The following MTFR1 variants were observed in gnomAD, a reference collection of about 807,000 sequenced individuals.
MTFR1 encodes chondrocyte protein with a poly-proline region.
MTFR1 carries 28 observed loss-of-function variants against 38.8 expected under a neutral mutation model. That is an observed-to-expected ratio of 0.72 (90% CI 0.53 to 0.99). The LOEUF is 0.99. MTFR1 is among the 50% of genes least tolerant of loss of function. MTFR1 has a pLI of 0.00. For synonymous variants in MTFR1, 145 were observed against 137.0 expected (o/e 1.06, Z -0.41); for missense variants, 358 against 395.5 (o/e 0.91, Z 0.81).
At chr8:65,662,236 T>G (rs1260380786) in intron 1 of MTFR1, among the ~76,000 whole-genome samples, 1 of 152,076 alleles carries the variant, frequency 6.6e-6, no homozygotes, top group Non-Finnish European at 1.5e-5. Flanking sequence ...TGCCTGCGAT[T>G]GCAGGCGCGC....
intron 3 of MTFR1, among the ~76,000 whole-genome samples, chr8:65,742,043 T>G (rs190197597): frequency 1.2e-4 from 18 of 152,258 alleles, no homozygotes; most frequent in Admixed American, 3.3e-4. Context: ...TACCAGTGAG[T>G]AAGAACACAA....
At chr8:65,677,417 C>A (rs1423133850) in intron 2 of MTFR1, among the ~76,000 whole-genome samples, 1 of 136,232 alleles carries the variant, frequency 7.3e-6, no homozygotes, top group Non-Finnish European at 1.5e-5. Flanking sequence ...CGGAGTCTTG[C>A]TCTGTCCCAG....
At chr8:65,734,234 A>G (rs1422616921) in intron 3 of MTFR1, among the ~76,000 whole-genome samples, 1 of 152,148 alleles carries the variant, frequency 6.6e-6, no homozygotes, top group East Asian at 1.9e-4. Context: ...ACCAGTCTTC[A>G]CTGACTTCTG....
intron 3 of MTFR1, 32 bp from the exon 4 acceptor site, chr8:65,693,612 G>T: frequency 6.3e-7 from 1 of 1,583,414 alleles, no homozygotes; most frequent in South Asian, 1.1e-5. Flanking sequence ...TGCCATCTTT[G>T]GTGAAGAACT....
intron 3 of MTFR1, among the ~76,000 whole-genome samples, chr8:65,724,623 T>TC (rs984097962): frequency 6.6e-6 from 1 of 152,212 alleles, no homozygotes; most frequent in Non-Finnish European, 1.5e-5. Context: ...ACCAGTGATC[T>TC]CCTTTTGGAA....
chr8:65,676,224 T>A (rs1804703843), intron 2 of MTFR1, among the ~76,000 whole-genome samples: 1 of 152,232 alleles, frequency 6.6e-6, no homozygotes, highest in Non-Finnish European at 1.5e-5. Flanking sequence ...GGTCCTAACT[T>A]TTTAAAGATC....
In MTFR1 at chr8:65,759,095, G is replaced by A. The variant is rs528429187; in HGVS notation, c.*49-11852G>A. Among the ~76,000 whole-genome samples, 19 of 152,302 alleles carry A rather than the reference G, an allele frequency of 1.2e-4. No homozygotes were observed. In the East Asian group the frequency reaches 3.1e-3, roughly 25 times the overall value. On this transcript the variant is annotated intron_variant, in intron 3 of 3. Coordinates refer to the MTFR1 transcript ENST00000521247. Reference sequence around the variant, plus strand: ...TTCCATGGACCTCAGGGAGGCACACGGGGATACTTGCTTGCATTTTACGTC... The same window carrying A: ...TTCCATGGACCTCAGGGAGGCACACAGGGATACTTGCTTGCATTTTACGTC...
intron 1 of MTFR1, among the ~76,000 whole-genome samples, chr8:65,648,252 C>T (rs184710754): frequency 1.3e-5 from 2 of 152,170 alleles, no homozygotes; most frequent in East Asian, 1.9e-4. Context: ...CTCCTGACCT[C>T]GTGATTCGCC....
chr8:65,748,422 G>A (rs890981289), intron 3 of MTFR1, among the ~76,000 whole-genome samples: 52 of 152,262 alleles, frequency 3.4e-4, no homozygotes, highest in Admixed American at 1.3e-4. Context: ...GTTCTACAGT[G>A]GAGACTGGAA....
chr8:65,669,379 T>C (rs1011607260), intron 1 of MTFR1, among the ~76,000 whole-genome samples: 18 of 152,238 alleles, frequency 1.2e-4, no homozygotes, highest in African/African-American at 4.1e-4. Flanking sequence ...ATCCACCAGA[T>C]ATCTTTTCAT....
rs958243721 is a variant in MTFR1 at position 65,700,369 on chromosome 8, A to G, written c.282-4325A>G. On this transcript the variant is annotated intron_variant, in intron 4 of 7. Coordinates refer to ENST00000262146, the MANE Select transcript of MTFR1 (RefSeq NM_014637.4). Reference sequence around the variant, plus strand: ...TATCTTAAAAAAAAAAAAAAAAAGAAAAAAGAAAACAAAAAAAAGGGCAGC... The same window carrying G: ...TATCTTAAAAAAAAAAAAAAAAAGAGAAAAGAAAACAAAAAAAAGGGCAGC... 5.4e-3 allele frequency among the ~76,000 whole-genome samples: 825 copies of G among 151,776 alleles called. 7 individuals are homozygous for G. The highest frequency in any genetic ancestry group is 0.019 in the African/African-American group (771 of 41,372).
intron 3 of MTFR1, chr8:65,731,475 C>T (rs1309365815): frequency 1.3e-5 from 2 of 152,140 alleles, no homozygotes; most frequent in Non-Finnish European, 2.9e-5. Context: ...CTAATTTAAA[C>T]TCATTATAGA....
chr8:65,650,588 T>C (rs1175522194), intron 1 of MTFR1, among the ~76,000 whole-genome samples: 2 of 152,232 alleles, frequency 1.3e-5, no homozygotes, highest in Admixed American at 1.3e-4. Flanking sequence ...CTTAACATAA[T>C]ATCCTCCAGT....
At chr8:65,773,904 C>T (rs971481978), downstream of MTFR1, among the ~76,000 whole-genome samples, 6 of 152,152 alleles carry the variant, frequency 3.9e-5, no homozygotes, top group Admixed American at 3.9e-4. Context: ...AGGGGGTAGG[C>T]TGGAGACTCC....
chr8:65,676,784 A>C (rs575958448), intron 2 of MTFR1, among the ~76,000 whole-genome samples: 1 of 152,338 alleles, frequency 6.6e-6, no homozygotes, highest in East Asian at 1.9e-4. Flanking sequence ...GCTTGAGTGC[A>C]GTCATCATGG....
downstream of MTFR1, among the ~76,000 whole-genome samples, chr8:65,772,849 CA>C (rs1004522272): frequency 1.3e-5 from 2 of 150,796 alleles, no homozygotes; most frequent in Admixed American, 6.6e-5. Flanking sequence ...AATAAAAATA[CA>C]AAAAAAAATT....
intron 3 of MTFR1, among the ~76,000 whole-genome samples, chr8:65,688,419 A>C (rs1371529961): frequency 2.7e-5 from 4 of 148,040 alleles, no homozygotes; most frequent in Non-Finnish European, 5.9e-5. Context: ...AACAAAAAAA[A>C]CCCCAGAAAT....
intron 4 of MTFR1, among the ~76,000 whole-genome samples, chr8:65,702,831 A>G (rs1183656714): frequency 2.0e-5 from 3 of 152,098 alleles, no homozygotes; most frequent in African/African-American, 7.2e-5. Flanking sequence ...TGAGGAGCTA[A>G]AAAGGCCTTT....
At chr8:65,765,303 A>C (rs1034766565) in intron 3 of MTFR1, among the ~76,000 whole-genome samples, 2 of 150,990 alleles carry the variant, frequency 1.3e-5, no homozygotes, top group East Asian at 3.9e-4. Flanking sequence ...TCCCGGCTAA[A>C]ACGGTGAAAC....
Sources: gnomAD v4.1 joint callset for allele counts (sites outside exome capture counted in the v4.1 genomes callset) on GRCh38, gnomAD v4.1.1 for gene constraint, MANE v1.5 for transcripts, NCBI Gene and HGNC (gene_info 2026-07-23, HGNC 2026-07-21) for gene names.